The following CADM2 variants were observed in gnomAD, a reference collection of about 807,000 sequenced individuals.
The protein encoded by CADM2 is immunoglobulin superfamily member 4D.
Under a neutral mutation model 49.8 loss-of-function variants are expected in CADM2, and 12 were observed. The observed-to-expected ratio is 0.24, with a 90% CI of 0.15 to 0.39. The LOEUF (loss-of-function observed/expected upper bound fraction) is 0.39. Ranked by LOEUF, CADM2 falls within the 10% of genes least tolerant of loss-of-function variation. CADM2 has a pLI of 1.00. For missense variants in CADM2, 378 were observed against 492.3 expected, an observed-to-expected ratio of 0.77 and a Z score of 2.20; for synonymous variants, 214 against 175.4, an observed-to-expected ratio of 1.22 and a Z score of -1.74.
At chr3:85,827,193 A>T (rs1381471418) in intron 3 of CADM2, among the ~76,000 whole-genome samples, 2 of 152,132 alleles carry the variant, frequency 1.3e-5, no homozygotes, top group East Asian at 3.9e-4. Flanking sequence ...ACATTTAAGT[A>T]AAGGAATAAT....
Position 85,762,613 on chromosome 3 carries a change from C to CTCTCTCTCTCTCTCTG in CADM2, c.88+36074_88+36075insCTCTCTGTCTCTCTCT, listed in dbSNP as rs138508303. 2.9e-3 allele frequency among the ~76,000 whole-genome samples: 436 copies of CTCTCTCTCTCTCTCTG among 148,070 alleles called. 4 individuals are homozygous for CTCTCTCTCTCTCTCTG. The highest frequency in any genetic ancestry group is 5.3e-3 in the African/African-American group (211 of 39,764). ...ACTACTCCTCTCTCTCTCTCTCTCTCTCTCTCTCTGTCTCTGTTATTTTAT... is the reference window on the plus strand; with the variant it reads ...ACTACTCCTCTCTCTCTCTCTCTCTCTCTCTCTCTCTCTCTGTCTCTCTCTGTCTCTGTTATTTTAT... On this transcript the variant is annotated intron_variant, in intron 2 of 9. Transcript: ENST00000383699.
At chr3:85,086,569 T>C (rs1020110592) in intron 1 of CADM2, among the ~76,000 whole-genome samples, 1 of 140,820 alleles carries the variant, frequency 7.1e-6, no homozygotes, top group Non-Finnish European at 1.5e-5. Context: ...TAGAGTGCGG[T>C]GGTGTGATCT....
intron 8 of CADM2, among the ~76,000 whole-genome samples, chr3:86,017,460 G>T (rs1348668509): frequency 3.3e-5 from 5 of 152,012 alleles, no homozygotes; most frequent in African/African-American, 9.7e-5. Context: ...GGCTGGTCAT[G>T]GTGGCACATG....
intron 1 of CADM2, among the ~76,000 whole-genome samples, chr3:85,100,748 G>T (rs973258694): frequency 6.6e-6 from 1 of 152,168 alleles, no homozygotes; most frequent in Non-Finnish European, 1.5e-5. Flanking sequence ...CACAGATAAA[G>T]AGAAATTGAA....
intron 2 of CADM2, among the ~76,000 whole-genome samples, chr3:85,769,352 CAT>C (rs2069888535): frequency 9.3e-6 from 1 of 107,570 alleles, no homozygotes; most frequent in South Asian, 2.8e-4. Flanking sequence ...TACATATATA[CAT>C]ATATAGTATA....
intron 1 of CADM2, among the ~76,000 whole-genome samples, chr3:85,083,573 C>A (rs115166354): frequency 6.6e-6 from 1 of 152,000 alleles, no homozygotes; most frequent in East Asian, 1.9e-4. Context: ...TGACAATGAA[C>A]CTTAATGAAG....
intron 1 of CADM2, among the ~76,000 whole-genome samples, chr3:85,243,882 C>A (rs1436184711): frequency 1.3e-5 from 2 of 151,888 alleles, no homozygotes; most frequent in Admixed American, 1.3e-4. Flanking sequence ...ATCCAATATT[C>A]TTCTTTGTTG....
At chr3:85,461,708 T>C (rs2038254665) in intron 1 of CADM2, among the ~76,000 whole-genome samples, 1 of 152,146 alleles carries the variant, frequency 6.6e-6, no homozygotes, top group African/African-American at 2.4e-5. Flanking sequence ...TCCATTCTAT[T>C]TGATACCAGA....
At chr3:84,968,901 T>A (rs1481737719) in intron 1 of CADM2, among the ~76,000 whole-genome samples, 2 of 152,078 alleles carry the variant, frequency 1.3e-5, no homozygotes, top group Admixed American at 1.3e-4. Context: ...ATCAGTGCAT[T>A]GCCAAATTTG....
intron 8 of CADM2, chr3:86,013,536 A>T: frequency 6.2e-7 from 1 of 1,605,352 alleles, no homozygotes; most frequent in African/African-American, 1.3e-5. Context: ...TTCTTCAAAA[A>T]CACAGCAGAG....
At chr3:85,087,338 G>T (rs540534891) in intron 1 of CADM2, among the ~76,000 whole-genome samples, 1 of 151,998 alleles carries the variant, frequency 6.6e-6, no homozygotes, top group Non-Finnish European at 1.5e-5. Flanking sequence ...TTTTCATCTG[G>T]ATATATTTGG....
At chr3:85,668,338 A>T (rs527958964) in intron 1 of CADM2, among the ~76,000 whole-genome samples, 1 of 151,708 alleles carries the variant, frequency 6.6e-6, no homozygotes, top group East Asian at 1.9e-4. Flanking sequence ...ACACAAACAA[A>T]CAAAAAAACA....
intron 7 of CADM2, among the ~76,000 whole-genome samples, chr3:85,952,738 CA>C (rs1723592410): frequency 6.6e-6 from 1 of 150,814 alleles, no homozygotes; most frequent in Non-Finnish European, 1.5e-5. Context: ...TTTACTTTTT[CA>C]GGGCTCTTTT....
intron 1 of CADM2, among the ~76,000 whole-genome samples, chr3:85,083,090 TGTATATGTGTATTATATACATA>T (rs1393522722): frequency 2.0e-4 from 31 of 152,282 alleles, no homozygotes; most frequent in Non-Finnish European, 3.2e-4. Flanking sequence ...CATATACATA[TGTATATGTGTATTATATACATA>T]GTATATGTGT....
chr3:85,693,631 T>C (rs1406561723), intron 1 of CADM2, among the ~76,000 whole-genome samples: 1 of 142,556 alleles, frequency 7.0e-6, no homozygotes, highest in African/African-American at 2.6e-5. Context: ...CTCACGCCTG[T>C]AATCCCAGCA....
At chr3:85,240,105 T>C (rs56792196) in intron 1 of CADM2, among the ~76,000 whole-genome samples, 10,319 of 150,464 alleles carry the variant, frequency 0.069, 1,151 homozygotes, top group African/African-American at 0.24. Context: ...ATGTGCTATT[T>C]ACTTTGTTAC....
intron 1 of CADM2, among the ~76,000 whole-genome samples, chr3:85,693,533 T>C (rs2066452299): frequency 7.7e-6 from 1 of 130,440 alleles, no homozygotes; most frequent in Non-Finnish European, 1.5e-5. Flanking sequence ...TGAGCCGAGA[T>C]AGTGCCACTG....
intron 1 of CADM2, among the ~76,000 whole-genome samples, chr3:85,629,307 G>A (rs572133017): frequency 6.6e-6 from 1 of 151,810 alleles, no homozygotes; most frequent in Non-Finnish European, 1.5e-5. Flanking sequence ...CAACAAAATG[G>A]AGGACGAAGC....
At chr3:85,689,242 C>G (rs1247184871) in intron 1 of CADM2, among the ~76,000 whole-genome samples, 1 of 152,072 alleles carries the variant, frequency 6.6e-6, no homozygotes, top group Non-Finnish European at 1.5e-5. Context: ...TCACGGGAAC[C>G]TGTGGATGGA....
Sources: allele counts gnomAD v4.1 joint callset (sites outside exome capture counted in the v4.1 genomes callset), GRCh38; gene constraint gnomAD v4.1.1; transcripts MANE v1.5; gene names NCBI Gene and HGNC (gene_info 2026-07-23, HGNC 2026-07-21).